TG: variants seen among roughly 807,000 people sequenced by gnomAD.
TG encodes thyroid hormones.
Under a neutral mutation model 324.7 loss-of-function variants are expected in TG, and 270 were observed. That is an observed-to-expected ratio of 0.83 (90% CI 0.75 to 0.92). The LOEUF (loss-of-function observed/expected upper bound fraction) is 0.92, where lower values mean the gene tolerates loss of function less well. Ranked by LOEUF, TG falls within the 40% of genes least tolerant of loss-of-function variation. The pLI, the probability that TG is intolerant of heterozygous loss-of-function variation, is 0.00. For missense variants in TG, 3,591 were observed against 3,456.4 expected, an observed-to-expected ratio of 1.04 and a Z score of -0.98; for synonymous variants, 1,401 against 1,327.0, an observed-to-expected ratio of 1.06 and a Z score of -1.21.
At chr8:132,880,809 C>T (rs767394000) in intron 5 of TG, among the ~76,000 whole-genome samples, 40 of 152,222 alleles carry the variant, frequency 2.6e-4, no homozygotes, top group Non-Finnish European at 8.8e-5. Context: ...GTTATACACA[C>T]TCCCTTTTGG....
At chr8:133,116,149 C>T (rs1444409221) in intron 44 of TG, among the ~76,000 whole-genome samples, 2 of 152,152 alleles carry the variant, frequency 1.3e-5, no homozygotes. Context: ...GCTGAGGGTA[C>T]CACATGCTTG....
At chr8:133,116,258 C>T (rs763738463) in intron 44 of TG, among the ~76,000 whole-genome samples, 30 of 152,194 alleles carry the variant, frequency 2.0e-4, no homozygotes, top group African/African-American at 3.6e-4. Context: ...ATTGCATTTA[C>T]GTTACTATAA....
At chr8:132,928,937 GA>G in intron 22 of TG, 138 bp from the exon 23 acceptor site, 1 of 743,150 alleles carries the variant, frequency 1.3e-6, no homozygotes, top group Middle Eastern at 3.7e-4. Context: ...CCTTACAAAG[GA>G]ATTGCTTTTC....
intron 41 of TG, among the ~76,000 whole-genome samples, chr8:133,089,106 C>G (rs4273838): frequency 7.9e-4 from 120 of 152,144 alleles, no homozygotes; most frequent in Middle Eastern, 6.8e-3. Context: ...AGACATGGCA[C>G]TCTGGGTCAC....
chr8:133,033,560 G>C (rs1836825307), intron 41 of TG, among the ~76,000 whole-genome samples: 2 of 152,160 alleles, frequency 1.3e-5, no homozygotes, highest in South Asian at 4.1e-4. Flanking sequence ...TAAATTTTCT[G>C]GTCTTGATTT....
intron 43 of TG, chr8:133,102,306 T>C (rs1849358566): frequency 2.3e-6 from 1 of 441,252 alleles, no homozygotes; most frequent in East Asian, 3.3e-5. Context: ...TGGATCCCAG[T>C]CCACAAACAC....
intron 43 of TG, chr8:133,102,606 A>G: frequency 1.9e-6 from 3 of 1,546,084 alleles, no homozygotes; most frequent in Non-Finnish European, 2.6e-6. Context: ...AAATGATCTT[A>G]TTTTCTGAAG....
chr8:132,908,108 T>G (rs1210240379), intron 17 of TG, 78 bp from the exon 18 acceptor site: 6 of 1,562,654 alleles, frequency 3.8e-6, no homozygotes, highest in African/African-American at 1.3e-5. Flanking sequence ...AAGGGTTATT[T>G]TTGCAGAGGA....
intron 45 of TG, among the ~76,000 whole-genome samples, chr8:133,131,203 G>A (rs915013892): frequency 6.6e-6 from 1 of 152,174 alleles, no homozygotes; most frequent in African/African-American, 2.4e-5. Flanking sequence ...CTCAGCACCA[G>A]CTCCAGCCCA....
At chr8:133,117,467 G>A (rs1426908704) in intron 45 of TG, among the ~76,000 whole-genome samples, 1 of 152,170 alleles carries the variant, frequency 6.6e-6, no homozygotes, top group Non-Finnish European at 1.5e-5. Context: ...GGACTATGGG[G>A]CTATCTGTTC....
intron 23 of TG, 24 bp from the exon 24 acceptor site, chr8:132,933,537 G>A: frequency 1.9e-6 from 3 of 1,610,842 alleles, no homozygotes; most frequent in Non-Finnish European, 2.5e-6. Context: ...AGCCAGGTGA[G>A]TGACCGTCCC....
chr8:132,968,219 G>T (rs187807977), intron 31 of TG, among the ~76,000 whole-genome samples: 1 of 152,012 alleles, frequency 6.6e-6, no homozygotes, highest in Non-Finnish European at 1.5e-5. Context: ...GCAGAAGTGG[G>T]CTTTAAAAAA....
At chr8:132,917,046 C>CTTCA (rs1820425396) in intron 20 of TG, among the ~76,000 whole-genome samples, 1 of 120,742 alleles carries the variant, frequency 8.3e-6, no homozygotes, top group Non-Finnish European at 1.8e-5. Context: ...TCCCTCCCTC[C>CTTCA]TTCCTTCCTT....
intron 41 of TG, among the ~76,000 whole-genome samples, chr8:133,041,481 G>A (rs1385526309): frequency 2.6e-5 from 4 of 152,194 alleles, no homozygotes; most frequent in Non-Finnish European, 5.9e-5. Flanking sequence ...TTTAGAGGGA[G>A]ATTTAATCGG....
chr8:132,898,131 T>G (rs1261264025), intron 12 of TG, 38 bp from the exon 13 acceptor site: 1 of 1,557,992 alleles, frequency 6.4e-7, no homozygotes, highest in South Asian at 1.2e-5. Context: ...AAGTCCCTAG[T>G]GCAATTCCTG....
chr8:132,945,666 G>A (rs1310850552), intron 26 of TG, among the ~76,000 whole-genome samples: 3 of 152,126 alleles, frequency 2.0e-5, no homozygotes, highest in Non-Finnish European at 2.9e-5. Context: ...AGATAAAGGG[G>A]GATGGAGCTG....
Position 132,974,399 on chromosome 8 carries a change from G to A in TG, c.6199+1658G>A, listed in dbSNP as rs1829943191. Among the ~76,000 whole-genome samples, 4 of 152,144 alleles carry A rather than the reference G, an allele frequency of 2.6e-5. No individual in the cohort carries two copies. The South Asian group carries it at 6.2e-4, about 24-fold the overall frequency. ...GTTTCAGACCATGATGGATTTACGT[G>A]GGTTATACCATTTAATACTCATAAT... On this transcript the variant is annotated intron_variant, in intron 34 of 47. Transcript: ENST00000220616.
At chr8:133,128,244 GC>G (rs1191559058) in intron 45 of TG, among the ~76,000 whole-genome samples, 1 of 151,896 alleles carries the variant, frequency 6.6e-6, no homozygotes, top group Non-Finnish European at 1.5e-5. Context: ...GCAACTGTGG[GC>G]GGAGCAGGGT....
chr8:132,895,715 T>G (rs1816990175), intron 11 of TG, among the ~76,000 whole-genome samples: 1 of 152,236 alleles, frequency 6.6e-6, no homozygotes, highest in Non-Finnish European at 1.5e-5. Flanking sequence ...GTTTTACATT[T>G]TTGTACAAAG....
Sources: allele counts gnomAD v4.1 joint callset (sites outside exome capture counted in the v4.1 genomes callset), GRCh38; gene constraint gnomAD v4.1.1; transcripts MANE v1.5; gene names NCBI Gene and HGNC (gene_info 2026-07-23, HGNC 2026-07-21).